Variants in NDUFAF2 observed in about 807,000 individuals in gnomAD.
NDUFAF2 encodes NADH:ubiquinone oxidoreductase complex assembly factor 2.
A neutral mutation model predicts 22.8 loss-of-function variants in NDUFAF2; 13 were observed. That is an observed-to-expected ratio of 0.57 (90% CI 0.37 to 0.91). The LOEUF (loss-of-function observed/expected upper bound fraction) is 0.91, where lower values mean the gene tolerates loss of function less well. NDUFAF2 is among the 40% of genes least tolerant of loss of function. The pLI, the probability that NDUFAF2 is intolerant of heterozygous loss-of-function variation, is 0.01. For missense variants in NDUFAF2, 162 were observed against 195.2 expected (o/e 0.83, Z 1.01); for synonymous variants, 53 against 64.2 (o/e 0.83, Z 0.84).
chr5:61,009,612 G>A (rs1380590722), intron 1 of NDUFAF2, among the ~76,000 whole-genome samples: 1 of 152,096 alleles, frequency 6.6e-6, no homozygotes, highest in Admixed American at 6.6e-5. Flanking sequence ...AAAATGTCTT[G>A]TAGTTTTTCT....
chr5:60,993,211 C>G (rs1751183832), intron 1 of NDUFAF2, among the ~76,000 whole-genome samples: 1 of 152,250 alleles, frequency 6.6e-6, no homozygotes, highest in African/African-American at 2.4e-5. Context: ...AGCTAGACCA[C>G]ACTGCAGGCA....
intron 1 of NDUFAF2, among the ~76,000 whole-genome samples, chr5:60,985,247 T>G (rs915373281): frequency 6.6e-6 from 1 of 152,180 alleles, no homozygotes; most frequent in Non-Finnish European, 1.5e-5. Flanking sequence ...GATATCCCCT[T>G]TATCATTTTT....
At chr5:60,959,290 T>C (rs1405223983) in intron 1 of NDUFAF2, among the ~76,000 whole-genome samples, 2 of 152,074 alleles carry the variant, frequency 1.3e-5, no homozygotes, top group African/African-American at 4.8e-5. Context: ...GTTTTAAACA[T>C]TTTAGATTCA....
At chr5:61,126,683 A>G (rs1012273597) in intron 3 of NDUFAF2, among the ~76,000 whole-genome samples, 12 of 152,080 alleles carry the variant, frequency 7.9e-5, no homozygotes, top group Non-Finnish European at 1.5e-4. Flanking sequence ...CGTATTGGCA[A>G]AATACTTACA....
chr5:61,091,662 G>T (rs1227995127), intron 2 of NDUFAF2, among the ~76,000 whole-genome samples: 2 of 152,134 alleles, frequency 1.3e-5, no homozygotes, highest in East Asian at 3.8e-4. Flanking sequence ...CTGTGCAAAA[G>T]TTCTTCAGTT....
intron 3 of NDUFAF2, among the ~76,000 whole-genome samples, chr5:61,117,733 G>GC (rs1752929703): frequency 6.6e-6 from 1 of 152,088 alleles, no homozygotes; most frequent in African/African-American, 2.4e-5. Flanking sequence ...ATGAGCAGTG[G>GC]CAATTTTTTT....
At chr5:60,947,898 A>G (rs940414905) in intron 1 of NDUFAF2, among the ~76,000 whole-genome samples, 1 of 152,178 alleles carries the variant, frequency 6.6e-6, no homozygotes, top group African/African-American at 2.4e-5. Context: ...TTCTACAATA[A>G]CATGAATATT....
intron 1 of NDUFAF2, among the ~76,000 whole-genome samples, chr5:61,072,774 TG>T (rs1401420004): frequency 1.3e-5 from 2 of 152,064 alleles, no homozygotes; most frequent in African/African-American, 4.8e-5. Context: ...GCTAATTTTT[TG>T]TATTTTAGTA....
At chr5:60,983,600 G>T (rs1234411692) in intron 1 of NDUFAF2, among the ~76,000 whole-genome samples, 1 of 150,828 alleles carries the variant, frequency 6.6e-6, no homozygotes, top group African/African-American at 2.5e-5. Context: ...AAGGGATCCA[G>T]TTTCAGCTTT....
intron 1 of NDUFAF2, among the ~76,000 whole-genome samples, chr5:60,989,709 A>T (rs1209424903): frequency 6.6e-6 from 1 of 152,176 alleles, no homozygotes; most frequent in African/African-American, 2.4e-5. Flanking sequence ...ACGCACGTGG[A>T]CACAACAAAG....
chr5:61,052,394 T>C (rs564684710), intron 1 of NDUFAF2, among the ~76,000 whole-genome samples: 1 of 152,290 alleles, frequency 6.6e-6, no homozygotes, highest in Non-Finnish European at 1.5e-5. Flanking sequence ...TACTGCAAGC[T>C]CCGCCTCCCG....
intron 1 of NDUFAF2, among the ~76,000 whole-genome samples, chr5:60,965,030 G>A (rs1356926405): frequency 6.8e-6 from 1 of 147,046 alleles, no homozygotes; most frequent in East Asian, 1.9e-4. Context: ...ACTAGGAAGA[G>A]GTTCCCAAAC....
At chr5:61,044,133 T>C (rs1027213444) in intron 1 of NDUFAF2, among the ~76,000 whole-genome samples, 1 of 152,212 alleles carries the variant, frequency 6.6e-6, no homozygotes, top group South Asian at 2.1e-4. Flanking sequence ...CATATACCTG[T>C]TGGCCGTTTA....
chr5:61,138,677 T>C (rs1257887161), intron 3 of NDUFAF2, among the ~76,000 whole-genome samples: 1 of 152,202 alleles, frequency 6.6e-6, no homozygotes, highest in Non-Finnish European at 1.5e-5. Flanking sequence ...GACCAGGCCC[T>C]ATTGAAACAA....
chr5:60,983,497 T>A (rs1257850689), intron 1 of NDUFAF2, among the ~76,000 whole-genome samples: 1 of 147,528 alleles, frequency 6.8e-6, no homozygotes, highest in East Asian at 2.0e-4. Context: ...CTGAATGGTA[T>A]TGCCTAGGTT....
intron 3 of NDUFAF2, among the ~76,000 whole-genome samples, chr5:61,139,322 T>C (rs1293242619): frequency 1.3e-5 from 2 of 152,178 alleles, no homozygotes; most frequent in African/African-American, 2.4e-5. Flanking sequence ...GAAGGTATTG[T>C]ATGGCATATC....
chr5:61,040,286 A>T (rs62367908), intron 1 of NDUFAF2, among the ~76,000 whole-genome samples: 3 of 93,074 alleles, frequency 3.2e-5, no homozygotes, highest in African/African-American at 1.3e-4. Context: ...ACACACACAC[A>T]CGCGCGCGCG....
chr5:61,100,268 A>G (rs1752690371), intron 3 of NDUFAF2, among the ~76,000 whole-genome samples: 1 of 152,124 alleles, frequency 6.6e-6, no homozygotes, highest in Admixed American at 6.6e-5. Context: ...ATCCATCCTC[A>G]GAACTTTGAA....
chr5:61,151,515 A>C (rs1182382801), intron 3 of NDUFAF2, among the ~76,000 whole-genome samples: 1 of 152,366 alleles, frequency 6.6e-6, no homozygotes, highest in Middle Eastern at 3.4e-3. Flanking sequence ...GTGGTGGCTC[A>C]TGCCTGTAAT....
Sources: gnomAD v4.1 joint callset for allele counts (sites outside exome capture counted in the v4.1 genomes callset) on GRCh38, gnomAD v4.1.1 for gene constraint, MANE v1.5 for transcripts, NCBI Gene and HGNC (gene_info 2026-07-23, HGNC 2026-07-21) for gene names.